Variants in WDFY3 observed in about 807,000 individuals in gnomAD.
WDFY3 encodes WD repeat and FYVE domain containing 3, also known as WD repeat and FYVE domain-containing protein 3.
WDFY3 carries 66 observed loss-of-function variants against 409.6 expected under a neutral mutation model. That is an observed-to-expected ratio of 0.16 (90% confidence interval 0.13 to 0.20). The LOEUF is 0.20. WDFY3 is among the 10% of genes least tolerant of loss of function. WDFY3 has a pLI of 1.00. For synonymous variants in WDFY3, 1,521 were observed against 1,537.1 expected, an observed-to-expected ratio of 0.99 and a Z score of 0.25; for missense variants, 3,031 against 4,298.1, an observed-to-expected ratio of 0.71 and a Z score of 8.24.
intron 9 of WDFY3, among the ~76,000 whole-genome samples, chr4:84,827,320 T>C (rs1165353251): frequency 6.6e-6 from 1 of 152,212 alleles, no homozygotes; most frequent in Non-Finnish European, 1.5e-5. Context: ...TTAACATTCT[T>C]ATTCTTAAGC....
Position 84,724,843 on chromosome 4 carries a change from C to CA in WDFY3, c.7273-250dup, listed in dbSNP as rs1332012124. On this transcript the variant is annotated intron_variant, in intron 45 of 67. Transcript: ENST00000295888. ...TGTTCTTCCTGAAATAATCTCTAGC[C>CA]AAAAAATGTTTCTGTGTTAGTGCAG... 1.2e-4 allele frequency among the ~76,000 whole-genome samples: 19 copies of CA among 152,112 alleles called. 1 individual carries two copies. The East Asian group carries it at 3.7e-3, about 29-fold the overall frequency.
intron 1 of WDFY3, among the ~76,000 whole-genome samples, chr4:84,965,406 T>C (rs1445649585): frequency 6.6e-6 from 1 of 152,206 alleles, no homozygotes; most frequent in Non-Finnish European, 1.5e-5. Context: ...GGTTCACATA[T>C]GCAGTAAATA....
rs897103326 is a variant in WDFY3, at chr4:84,780,441, AT to A, written c.4175-144del. On this transcript the variant is annotated intron_variant, in intron 25 of 67. Transcript: ENST00000295888. ...CTATAATGCAAATTCTAGGGAAAGC[AT>A]TAAAGGTAGAATTTGGGACAAGGCA... 66 of 965,398 alleles carry A rather than the reference AT, an allele frequency of 6.8e-5. No individual in the cohort carries two copies. In the African/African-American group the frequency reaches 1.0e-3, roughly 15 times the overall value. 59.8% of individuals were successfully genotyped at this position (965,398 alleles called of 1,614,324 possible).
chr4:84,829,309 G>C (rs1359561885), intron 8 of WDFY3, 119 bp from the exon 9 acceptor site: 19 of 826,476 alleles, frequency 2.3e-5, no homozygotes, highest in African/African-American at 3.5e-5. Context: ...AAAATACTAT[G>C]AGATAAATGT....
chr4:84,797,010 G>A (rs1749565100), intron 18 of WDFY3, among the ~76,000 whole-genome samples: 1 of 152,006 alleles, frequency 6.6e-6, no homozygotes, highest in African/African-American at 2.4e-5. Flanking sequence ...TCAAATAATT[G>A]TCATCAAAGC....
At chr4:84,807,633 CA>C (rs1751733862) in intron 15 of WDFY3, among the ~76,000 whole-genome samples, 1 of 152,176 alleles carries the variant, frequency 6.6e-6, no homozygotes, top group South Asian at 2.1e-4. Flanking sequence ...TATTTGGGGC[CA>C]ACTGCAGACC....
Position 84,778,647 on chromosome 4 carries a change from T to C in WDFY3, c.4374A>G (p.Ala1458=). ...GGGAACGTTTCTTCTTAAGCAACAT[T>C]GCCAGCAACTACAAGAAAGTAATAC... ...MERIKGYQLL[A]MLLKKKRSLL... is the part of the protein sequence containing the mutation. Residue 1458 remains alanine (A), a synonymous_variant, in exon 27 of 68, where the codon GCA becomes GCG. Transcript: ENST00000295888. The C allele has an allele frequency of 6.2e-7, 1 of 1,604,404 alleles. No individual in the cohort carries two copies. Among genetic ancestry groups the C allele is most frequent in the South Asian group, 1.1e-5 (1 of 88,810 alleles).
intron 51 of WDFY3, among the ~76,000 whole-genome samples, chr4:84,711,212 TAGA>T (rs1265408613): frequency 6.6e-6 from 1 of 152,320 alleles, no homozygotes; most frequent in East Asian, 1.9e-4. Context: ...CTGTGTTACC[TAGA>T]AGGCCTCGCT....
At chr4:84,761,940 A>G (rs1024189550) in intron 32 of WDFY3, among the ~76,000 whole-genome samples, 5 of 152,106 alleles carry the variant, frequency 3.3e-5, no homozygotes, top group African/African-American at 4.8e-5. Flanking sequence ...TTAGAATGGC[A>G]ATCATTAAAA....
At chr4:84,732,894 G>T (rs1230402384) in intron 44 of WDFY3, among the ~76,000 whole-genome samples, 1 of 152,126 alleles carries the variant, frequency 6.6e-6, no homozygotes, top group Non-Finnish European at 1.5e-5. Flanking sequence ...AGAGGCATTG[G>T]AACAATTCAA....
At chr4:84,694,253 G>A (rs1011148434) in intron 58 of WDFY3, among the ~76,000 whole-genome samples, 1 of 152,196 alleles carries the variant, frequency 6.6e-6, no homozygotes, top group African/African-American at 2.4e-5. Flanking sequence ...ATTTACTGAA[G>A]CACTTTTACG....
At chr4:84,864,738 G>C (rs1350016213) in intron 3 of WDFY3, among the ~76,000 whole-genome samples, 1 of 152,088 alleles carries the variant, frequency 6.6e-6, no homozygotes, top group East Asian at 1.9e-4. Flanking sequence ...CCAGTTAAGT[G>C]GCCTTCACCA....
chr4:84,694,048 C>T (rs963863865), intron 58 of WDFY3, among the ~76,000 whole-genome samples: 4 of 152,168 alleles, frequency 2.6e-5, no homozygotes, highest in Admixed American at 6.5e-5. Context: ...ATAAATACGA[C>T]ACCATCACAC....
At chr4:84,886,765 T>C (rs1462376017) in intron 3 of WDFY3, among the ~76,000 whole-genome samples, 1 of 152,196 alleles carries the variant, frequency 6.6e-6, no homozygotes, top group Non-Finnish European at 1.5e-5. Flanking sequence ...TCTTCCAGTC[T>C]TCAGACAAAC....
intron 23 of WDFY3, among the ~76,000 whole-genome samples, chr4:84,787,021 T>C (rs1747675134): frequency 6.6e-6 from 1 of 152,102 alleles, no homozygotes; most frequent in Admixed American, 6.5e-5. Context: ...CTAAATTTCA[T>C]TTGGGAGAAA....
chr4:84,928,497 T>C (rs1398715798), intron 2 of WDFY3, among the ~76,000 whole-genome samples: 1 of 152,170 alleles, frequency 6.6e-6, no homozygotes, highest in Non-Finnish European at 1.5e-5. Context: ...GTCTCTCGGG[T>C]AACCCTGACT....
Position 84,733,401 on chromosome 4 carries a change from T to G in WDFY3, c.7202A>C (p.Glu2401Ala). 4 of 1,614,154 alleles carry G rather than the reference T, an allele frequency of 2.5e-6. No individual in the cohort carries two copies. The highest frequency in any genetic ancestry group is 3.4e-6 in the Non-Finnish European group (4 of 1,180,004). Residue 2401 changes from glutamate (E) to alanine (A), a missense_variant, in exon 44 of 68, where the codon GAG becomes GCG. Physicochemically the swap from Glu to Ala is moderately radical, Grantham distance 107 (BLOSUM62 -1). Around this residue, in one of 16 missense-constraint regions of WDFY3, gnomAD observed 127 missense variants for 144.4 expected, o/e 0.88. Transcript: ENST00000295888. ...ACTCACCGCCACATTTGTCTCTTGCTCAGTTTCTGGCACGTAAGGGTAATG... is the reference window on the plus strand; with the variant it reads ...ACTCACCGCCACATTTGTCTCTTGCGCAGTTTCTGGCACGTAAGGGTAATG... The part of the protein sequence containing the change: ...YNHYPYVPET[E>A]QETNVASEIP...
At chr4:84,696,710 T>C (rs368765893) in intron 57 of WDFY3, 22 bp downstream of exon 57, 16 of 1,608,806 alleles carry the variant, frequency 9.9e-6, no homozygotes, top group Non-Finnish European at 1.2e-5. Context: ...TCAACTTCAA[T>C]TGTAAAATGT....
At position 84,803,533 on chromosome 4, in the gene WDFY3, T is replaced by C. The variant is rs566582518; in HGVS notation, c.2430-66A>G. ...TCACATTCTCTTCCTCTTCAGTTAC[T>C]TTCATCCACTGATAACCAAAAAGCC... On this transcript the variant is annotated intron_variant, in intron 15 of 67. Transcript: ENST00000295888. 138 of 1,501,264 alleles carry C rather than the reference T, an allele frequency of 9.2e-5. No individual in the cohort carries two copies. The South Asian group carries it at 1.8e-3, about 19-fold the overall frequency. The allele number at this position is 1,501,264 out of a possible 1,614,324, so 93.0% of individuals were successfully genotyped here.
Sources: allele counts gnomAD v4.1 joint callset (sites outside exome capture counted in the v4.1 genomes callset), GRCh38; gene constraint gnomAD v4.1.1; regional missense constraint gnomAD v4.1.1; transcripts MANE v1.5; gene names NCBI Gene and HGNC (gene_info 2026-07-23, HGNC 2026-07-21).